CCSER1: variants seen among roughly 807,000 people sequenced by gnomAD.
CCSER1 encodes coiled-coil serine rich protein 1, also known as serine-rich coiled-coil domain-containing protein 1.
A neutral mutation model predicts 82.0 loss-of-function variants in CCSER1; 41 were observed. The observed-to-expected ratio is 0.50, with a 90% CI of 0.39 to 0.65. The LOEUF is 0.65. CCSER1 is among the 30% of genes least tolerant of loss of function. The probability of loss-of-function intolerance (pLI) is 0.00; values close to 1 mark genes in which losing one functional copy is unlikely to be tolerated. For synonymous variants in CCSER1, 414 were observed against 383.9 expected (o/e 1.08, Z -0.92); for missense variants, 1,119 against 1,064.2 (o/e 1.05, Z -0.72).
intron 7 of CCSER1, among the ~76,000 whole-genome samples, chr4:90,738,652 C>T (rs910690129): frequency 6.6e-6 from 1 of 152,142 alleles, no homozygotes; most frequent in Non-Finnish European, 1.5e-5. Flanking sequence ...CCTGTGTTCA[C>T]TCAAGACCAA....
At chr4:90,607,053 A>C (rs1451983340) in intron 5 of CCSER1, among the ~76,000 whole-genome samples, 1 of 152,212 alleles carries the variant, frequency 6.6e-6, no homozygotes, top group Non-Finnish European at 1.5e-5. Flanking sequence ...AGAACACAGT[A>C]AGATTAATTC....
chr4:90,709,597 A>G (rs72661874), intron 6 of CCSER1, among the ~76,000 whole-genome samples: 34,450 of 152,002 alleles, frequency 0.23, 4,925 homozygotes, highest in African/African-American at 0.4. Context: ...ATCCATGTCC[A>G]TGTAAAGGGC....
chr4:91,405,565 G>C (rs1391267498), intron 10 of CCSER1, among the ~76,000 whole-genome samples: 2 of 152,146 alleles, frequency 1.3e-5, no homozygotes, highest in Non-Finnish European at 2.9e-5. Flanking sequence ...ACCTACTGAA[G>C]CCTCAGCAAT....
intron 8 of CCSER1, among the ~76,000 whole-genome samples, chr4:90,819,859 T>C (rs1379165463): frequency 6.6e-6 from 1 of 152,238 alleles, no homozygotes; most frequent in Non-Finnish European, 1.5e-5. Context: ...GTAATTGTTT[T>C]ATTATGTCCA....
At chr4:90,463,108 T>TA (rs984389571) in intron 4 of CCSER1, among the ~76,000 whole-genome samples, 3 of 152,256 alleles carry the variant, frequency 2.0e-5, no homozygotes, top group East Asian at 3.9e-4. Flanking sequence ...TTTCACATCT[T>TA]AAAAAAATCT....
intron 1 of CCSER1, among the ~76,000 whole-genome samples, chr4:90,194,763 A>G (rs569872272): frequency 3.3e-5 from 5 of 152,234 alleles, no homozygotes; most frequent in African/African-American, 1.2e-4. Flanking sequence ...ATTGAAAAAA[A>G]CATGCTAGCT....
intron 10 of CCSER1, among the ~76,000 whole-genome samples, chr4:91,576,182 T>C (rs1763445398): frequency 6.6e-6 from 1 of 152,022 alleles, no homozygotes; most frequent in Admixed American, 6.6e-5. Context: ...CAATTATCTA[T>C]GTCTAAATCA....
intron 10 of CCSER1, among the ~76,000 whole-genome samples, chr4:91,529,260 C>A (rs1434352150): frequency 6.6e-6 from 1 of 151,950 alleles, no homozygotes; most frequent in African/African-American, 2.4e-5. Flanking sequence ...TATAGAGGGG[C>A]ATTTATTTAT....
At chr4:91,065,422 T>C (rs530596683) in intron 9 of CCSER1, among the ~76,000 whole-genome samples, 1 of 152,274 alleles carries the variant, frequency 6.6e-6, no homozygotes, top group Non-Finnish European at 1.5e-5. Flanking sequence ...TATCATACTA[T>C]TACAATTAAT....
At chr4:90,389,186 G>A (rs1316088036) in intron 3 of CCSER1, among the ~76,000 whole-genome samples, 2 of 152,122 alleles carry the variant, frequency 1.3e-5, no homozygotes, top group Non-Finnish European at 2.9e-5. Context: ...AGCATATGAT[G>A]AGATAATAAC....
intron 8 of CCSER1, chr4:90,838,950 G>A: frequency 1.2e-6 from 2 of 1,613,376 alleles, no homozygotes; most frequent in South Asian, 1.1e-5. Flanking sequence ...TCTTTGGAAG[G>A]CAGTGGATTT....
intron 10 of CCSER1, among the ~76,000 whole-genome samples, chr4:91,442,541 CCAT>C (rs1425291587): frequency 2.7e-4 from 37 of 135,866 alleles, no homozygotes; most frequent in Admixed American, 1.1e-3. Context: ...CTAGGCATTA[CCAT>C]TCAGGACATA....
intron 10 of CCSER1, among the ~76,000 whole-genome samples, chr4:91,504,391 G>T (rs1044196515): frequency 1.3e-5 from 2 of 152,076 alleles, no homozygotes; most frequent in Non-Finnish European, 2.9e-5. Context: ...TTGACAGAAT[G>T]AAATGAAAGC....
At chr4:90,237,940 G>T (rs1458021199) in intron 1 of CCSER1, among the ~76,000 whole-genome samples, 1 of 152,160 alleles carries the variant, frequency 6.6e-6, no homozygotes, top group Non-Finnish European at 1.5e-5. Context: ...AGTGAGCCCT[G>T]CTAGTTAATA....
chr4:91,115,457 G>A (rs1212960382), intron 10 of CCSER1, among the ~76,000 whole-genome samples: 1 of 152,006 alleles, frequency 6.6e-6, no homozygotes, highest in Non-Finnish European at 1.5e-5. Context: ...CTACCAAGTG[G>A]TTGGGACTAC....
At chr4:91,159,808 T>G (rs889056625) in intron 10 of CCSER1, among the ~76,000 whole-genome samples, 1 of 151,886 alleles carries the variant, frequency 6.6e-6, no homozygotes, top group Admixed American at 6.6e-5. Flanking sequence ...TAACTCAAAA[T>G]TTTTGAGGAT....
intron 7 of CCSER1, among the ~76,000 whole-genome samples, chr4:90,763,722 T>C (rs1750761628): frequency 6.6e-6 from 1 of 152,136 alleles, no homozygotes; most frequent in Non-Finnish European, 1.5e-5. Context: ...CTGCCTAGGA[T>C]CTAGCTCATT....
chr4:90,384,353 C>A (rs1335998298), intron 3 of CCSER1, among the ~76,000 whole-genome samples: 1 of 140,652 alleles, frequency 7.1e-6, no homozygotes, highest in Non-Finnish European at 1.5e-5. Context: ...CAAACTATCA[C>A]AAGGACAAAA....
chr4:91,324,925 C>G (rs1746445345), intron 10 of CCSER1, among the ~76,000 whole-genome samples: 1 of 152,146 alleles, frequency 6.6e-6, no homozygotes, highest in Non-Finnish European at 1.5e-5. Flanking sequence ...CCACCCAAAT[C>G]ACATGACGAA....
Sources: gnomAD v4.1 joint callset for allele counts (sites outside exome capture counted in the v4.1 genomes callset) on GRCh38, gnomAD v4.1.1 for gene constraint, MANE v1.5 for transcripts, NCBI Gene and HGNC (gene_info 2026-07-23, HGNC 2026-07-21) for gene names.